TNNT1: variants seen among roughly 807,000 people sequenced by gnomAD.
TNNT1 encodes the protein troponin T1, slow skeletal type.
A neutral mutation model predicts 50.6 loss-of-function variants in TNNT1; 53 were observed. That is an observed-to-expected ratio of 1.05 (90% CI 0.84 to 1.32). The LOEUF is 1.32. TNNT1 is among the 40% of genes most tolerant of loss of function. The pLI is 0.00. For synonymous variants in TNNT1, 142 were observed against 138.0 expected, an observed-to-expected ratio of 1.03 and a Z score of -0.20; for missense variants, 348 against 381.7, an observed-to-expected ratio of 0.91 and a Z score of 0.74.
Position 55,141,245 on chromosome 19 carries a change from C to A in TNNT1, c.250G>T (p.Val84Leu), listed in dbSNP as rs112840583. The change falls in exon 8 of 14, where the codon GTA becomes TTA. Residue 84 changes from valine to leucine, a missense_variant. Around this residue, in one of 3 missense-constraint regions of TNNT1, gnomAD observed 253 missense variants for 291.8 expected, o/e 0.87. Coordinates refer to ENST00000588981, the MANE Select transcript of TNNT1 (RefSeq NM_003283.6). ...TCCTTCTTCCGCTGCTCGAAATGTA[C>A]ATCGATGAGTGTCTGCAGCTCCAGC... ...DLLELQTLID[V>L]HFEQRKKEEE... 6.2e-7 allele frequency: 1 copy of A among 1,614,246 alleles called. No individual in the cohort carries two copies. The highest frequency in any genetic ancestry group is 1.1e-5 in the South Asian group (1 of 91,088).
chr19:55,142,971 T>G (rs1568845141), intron 6 of TNNT1, among the ~76,000 whole-genome samples: 3 of 151,030 alleles, frequency 2.0e-5, no homozygotes, highest in Non-Finnish European at 4.4e-5. Context: ...CAAAACCAGC[T>G]TGGGCATCAT....
rs577239802 is a variant in TNNT1, at chr19:55,139,777, G to A, written c.387+1106C>T. On this transcript the variant is annotated intron_variant, in intron 9 of 13. Coordinates refer to ENST00000588981, the MANE Select transcript of TNNT1 (RefSeq NM_003283.6). Reference sequence around the variant, plus strand: ...AGCCCAGGAGTTTGGGAACAACGTGGGCAACATAGAAAGACCCTATCTCAA... The same window carrying A: ...AGCCCAGGAGTTTGGGAACAACGTGAGCAACATAGAAAGACCCTATCTCAA... Among the ~76,000 whole-genome samples, 28 of 151,250 alleles carry A rather than the reference G, an allele frequency of 1.9e-4. No individual in the cohort carries two copies. The South Asian group carries it at 5.7e-3, about 31-fold the overall frequency.
chr19:55,145,310 G>A (rs971236104), intron 6 of TNNT1: 20 of 584,566 alleles, frequency 3.4e-5, no homozygotes, highest in African/African-American at 2.8e-4. Context: ...TGAAGAAGAA[G>A]GGGAAGGAGA....
chr19:55,146,613 T>G, intron 4 of TNNT1, 68 bp downstream of exon 4: 3 of 702,932 alleles, frequency 4.3e-6, no homozygotes, highest in Non-Finnish European at 6.7e-6. Context: ...TCCCGCCCCC[T>G]CCTCCCGGGC....
chr19:55,147,683 C>CTGAGGGGGGGGGGGCTGGGGGCT (rs1555860239), intron 1 of TNNT1, among the ~76,000 whole-genome samples: 3 of 90,476 alleles, frequency 3.3e-5, no homozygotes, highest in Middle Eastern at 7.9e-3. Flanking sequence ...GGGCTGGGGT[C>CTGAGGGGGGGGGGGCTGGGGGCT]TGGACTCCTG....
At chr19:55,148,877 C>T (rs555669920) in intron 1 of TNNT1, among the ~76,000 whole-genome samples, 2 of 152,002 alleles carry the variant, frequency 1.3e-5, no homozygotes, top group Non-Finnish European at 2.9e-5. Context: ...GCTGAGATTT[C>T]CCCCAGATTC....
intron 10 of TNNT1, among the ~76,000 whole-genome samples, chr19:55,137,613 TCCAGGCCCCCAGCCCCTCCTC>T: frequency 1.0e-5 from 1 of 99,204 alleles, no homozygotes; most frequent in East Asian, 3.1e-4. Flanking sequence ...GACCCAGGAG[TCCAGGCCCCCAGCCCCTCCTC>T]TCAGACTGAG....
Position 55,141,240 on chromosome 19 carries a change from A to G in TNNT1, c.255T>C (p.His85=), listed in dbSNP as rs757012188. ...CTTCCTCCTTCTTCCGCTGCTCGAA[A>G]TGTACATCGATGAGTGTCTGCAGCT... ...LLELQTLIDV[H]FEQRKKEEEE... is the part of the protein sequence containing the mutation. The change falls in exon 8 of 14, where the codon CAT becomes CAC. Residue 85 remains histidine, a synonymous_variant. Transcript: ENST00000588981. 2 of 1,614,218 alleles carry G rather than the reference A, an allele frequency of 1.2e-6. No individual in the cohort carries two copies. Among genetic ancestry groups the G allele is most frequent in the South Asian group, 2.2e-5 (2 of 91,088 alleles).
chr19:55,147,675 G>GCCGCGGGT lies in TNNT1; in HGVS notation c.-11-508_-11-507insACCCGCGG, dbSNP rs1251913970. The stretch of plus-strand genomic sequence containing the variant: ...GACACCTGGGTCTGAGGGAGGAGGG[G>GCCGCGGGT]CTGGGGTCTGGACTCCTGGATCTGA... On this transcript the variant is annotated intron_variant, in intron 1 of 13. Transcript: ENST00000588981. Among the ~76,000 whole-genome samples, 54 of 95,674 alleles carry GCCGCGGGT rather than the reference G, an allele frequency of 5.6e-4. 3 individuals are homozygous for GCCGCGGGT. The highest frequency in any genetic ancestry group is 2.5e-3 in the African/African-American group (48 of 19,544). 62.8% of individuals were successfully genotyped at this position (95,674 alleles called of 152,430 possible).
rs764320605 is a variant in TNNT1 at position 55,132,974 on chromosome 19, A to G, written c.792-14T>C. 8.2e-6 allele frequency: 13 copies of G among 1,594,646 alleles called. No individual in the cohort carries two copies. Among genetic ancestry groups the G allele is most frequent in the East Asian group, 6.8e-5 (3 of 44,356 alleles). ...GCCCCCTTCCGGCTGTAGAAGAATG[A>G]GGTGGTATCAGGAAAAAGGGGCCCC... On this transcript the variant is annotated splice_polypyrimidine_tract_variant and intron_variant, in intron 13 of 13. Transcript: ENST00000588981.
In TNNT1 at chr19:55,134,048, T is replaced by TG; in HGVS notation, c.750+17dup. On this transcript the variant is annotated intron_variant, in intron 12 of 13. Coordinates refer to ENST00000588981, the MANE Select transcript of TNNT1 (RefSeq NM_003283.6). The stretch of plus-strand genomic sequence containing the variant: ...GCCCTGCCCTCTCTCCCTCCCTCCC[T>TG]GCGGAGCTGGGTCTCACCTCATATT... The TG allele has an allele frequency of 6.3e-7, 1 of 1,577,728 alleles. No homozygotes were observed. The highest frequency in any genetic ancestry group is 8.7e-7 in the Non-Finnish European group (1 of 1,152,964).
intron 6 of TNNT1, among the ~76,000 whole-genome samples, chr19:55,143,773 G>C (rs912673864): frequency 6.6e-6 from 1 of 151,942 alleles, no homozygotes; most frequent in Non-Finnish European, 1.5e-5. Flanking sequence ...AATGACTTCA[G>C]GTATCATCAA....
At chr19:55,138,197 C>G in intron 9 of TNNT1, 123 bp from the exon 10 acceptor site, 1 of 1,533,882 alleles carries the variant, frequency 6.5e-7, no homozygotes, top group Non-Finnish European at 8.9e-7. Context: ...GCTGGGACAT[C>G]AGAACCAGCA....
At position 55,141,178 on chromosome 19, in the gene TNNT1, C is replaced by G. The variant is rs374839229; in HGVS notation, c.309+8G>C. 6 of 1,612,044 alleles carry G rather than the reference C, an allele frequency of 3.7e-6. No individual in the cohort carries two copies. In the East Asian group the frequency reaches 6.7e-5, roughly 18 times the overall value. ...GAAGACCGGGGGGAACCCGGACTCT[C>G]GGCTCACAATGCGCTCCTTCAAGGC... is the stretch of plus-strand genomic sequence containing the variant. On this transcript the variant is annotated splice_region_variant and intron_variant, in intron 8 of 13. Transcript: ENST00000588981.
intron 6 of TNNT1, among the ~76,000 whole-genome samples, chr19:55,142,258 C>A (rs1475877808): frequency 2.7e-5 from 4 of 150,630 alleles, no homozygotes; most frequent in Non-Finnish European, 5.9e-5. Context: ...GTAGCTGGGA[C>A]TACAGGCGCC....
At chr19:55,138,985 T>A (rs953703459) in intron 9 of TNNT1, among the ~76,000 whole-genome samples, 8 of 152,186 alleles carry the variant, frequency 5.3e-5, no homozygotes, top group Non-Finnish European at 1.0e-4. Flanking sequence ...CAGCACTCCG[T>A]ACCTGAATTA....
At chr19:55,145,671 A>G in intron 5 of TNNT1, 106 bp from the exon 6 acceptor site, 1 of 1,268,006 alleles carries the variant, frequency 7.9e-7, no homozygotes, top group South Asian at 1.2e-5. Context: ...GGCCCCCAGG[A>G]CCCCAGGGAA....
At chr19:55,144,659 C>T (rs1386054209) in intron 6 of TNNT1, among the ~76,000 whole-genome samples, 1 of 152,196 alleles carries the variant, frequency 6.6e-6, no homozygotes, top group Non-Finnish European at 1.5e-5. Flanking sequence ...GCAGAGGGCA[C>T]AGTGTGTGCA....
chr19:55,137,378 C>G (rs1044544946), intron 10 of TNNT1, among the ~76,000 whole-genome samples, 166 bp from the exon 11 acceptor site: 1 of 152,066 alleles, frequency 6.6e-6, no homozygotes. Context: ...CCACTCCCTC[C>G]TCCCTCAGAT....
Sources: allele counts gnomAD v4.1 joint callset (sites outside exome capture counted in the v4.1 genomes callset), GRCh38; gene constraint gnomAD v4.1.1; regional missense constraint gnomAD v4.1.1; transcripts MANE v1.5; gene names NCBI Gene and HGNC (gene_info 2026-07-23, HGNC 2026-07-21).